The following FNBP1L variants were observed in gnomAD, a reference collection of about 807,000 sequenced individuals.
FNBP1L encodes the protein formin binding protein 1 like, also known as formin-binding protein 1-like.
Under a neutral mutation model 91.2 loss-of-function variants are expected in FNBP1L, and 36 were observed. The observed-to-expected ratio is 0.39, with a 90% CI of 0.30 to 0.52. The LOEUF (loss-of-function observed/expected upper bound fraction) is 0.52. Among genes scored for constraint, FNBP1L ranks in the 20% least tolerant of loss-of-function variants. The pLI, the probability that FNBP1L is intolerant of heterozygous loss-of-function variation, is 0.66. For missense variants in FNBP1L, 571 were observed against 732.1 expected, an observed-to-expected ratio of 0.78 and a Z score of 2.54; for synonymous variants, 242 against 237.0, an observed-to-expected ratio of 1.02 and a Z score of -0.19.
chr1:93,475,119 C>G (rs1431049738), intron 1 of FNBP1L, among the ~76,000 whole-genome samples: 1 of 151,584 alleles, frequency 6.6e-6, no homozygotes, highest in African/African-American at 2.4e-5. Context: ...TGATGATACA[C>G]ATACAACTAA....
intron 2 of FNBP1L, among the ~76,000 whole-genome samples, chr1:93,516,986 A>T (rs1671143086): frequency 6.6e-6 from 1 of 151,280 alleles, no homozygotes; most frequent in Admixed American, 6.6e-5. Context: ...TCTTAGAACA[A>T]CTTCTTCTTC....
chr1:93,500,046 G>A (rs1359221190), intron 2 of FNBP1L, among the ~76,000 whole-genome samples: 1 of 152,110 alleles, frequency 6.6e-6, no homozygotes, highest in Non-Finnish European at 1.5e-5. Context: ...TGTGATTTTA[G>A]AATATGTTTT....
intron 1 of FNBP1L, among the ~76,000 whole-genome samples, chr1:93,476,485 G>A (rs894494768): frequency 6.6e-6 from 1 of 152,152 alleles, no homozygotes; most frequent in African/African-American, 2.4e-5. Context: ...TAAGGATAGG[G>A]ATATTATGTG....
At chr1:93,542,958 T>C (rs1489335014) in intron 11 of FNBP1L, among the ~76,000 whole-genome samples, 1 of 151,908 alleles carries the variant, frequency 6.6e-6, no homozygotes, top group Non-Finnish European at 1.5e-5. Flanking sequence ...GCTAATTTAT[T>C]GTATTTTTAG....
intron 1 of FNBP1L, among the ~76,000 whole-genome samples, chr1:93,481,262 A>G (rs576837378): frequency 2.6e-5 from 4 of 152,304 alleles, no homozygotes; most frequent in Admixed American, 6.5e-5. Context: ...CCCTAAGGCT[A>G]AAAGTGTGAG....
At chr1:93,534,459 G>A (rs1487811507) in intron 8 of FNBP1L, among the ~76,000 whole-genome samples, 1 of 152,080 alleles carries the variant, frequency 6.6e-6, no homozygotes, top group East Asian at 1.9e-4. Context: ...AAGCTACCAA[G>A]TAAAAACATT....
At chr1:93,461,606 A>G (rs977145521) in intron 1 of FNBP1L, among the ~76,000 whole-genome samples, 5 of 152,200 alleles carry the variant, frequency 3.3e-5, no homozygotes, top group African/African-American at 9.6e-5. Flanking sequence ...CACAAATGCA[A>G]AAGCTTTTCT....
intron 2 of FNBP1L, among the ~76,000 whole-genome samples, chr1:93,518,547 C>T (rs1482334008): frequency 6.6e-6 from 1 of 152,016 alleles, no homozygotes; most frequent in Non-Finnish European, 1.5e-5. Context: ...GCTTAAATGT[C>T]TAAATTCTAG....
chr1:93,528,661 T>C (rs1671573298), intron 5 of FNBP1L, among the ~76,000 whole-genome samples: 1 of 151,994 alleles, frequency 6.6e-6, no homozygotes, highest in African/African-American at 2.4e-5. Context: ...CACAGGTTGA[T>C]GGGGGAGGGA....
rs1273781988 is a variant in FNBP1L at position 93,545,561 on chromosome 1, T to C, written c.1275-1281T>C. ...GGACTTGTGAAAAATTCTGAATGCT[T>C]TTCTGTGAAGTTCTGTAGGTACTAC... On this transcript the variant is annotated intron_variant, in intron 12 of 16. Transcript: ENST00000271234. Among the ~76,000 whole-genome samples the C allele has an allele frequency of 3.3e-5, 5 of 152,162 alleles. No homozygotes were observed. In the East Asian group the frequency reaches 7.7e-4, roughly 23 times the overall value.
chr1:93,463,507 A>G (rs1342097095), intron 1 of FNBP1L, among the ~76,000 whole-genome samples: 1 of 152,152 alleles, frequency 6.6e-6, no homozygotes, highest in African/African-American at 2.4e-5. Context: ...TTCCTTATGT[A>G]ACCATCTGTA....
intron 5 of FNBP1L, among the ~76,000 whole-genome samples, chr1:93,527,492 C>T (rs1010456173): frequency 1.3e-5 from 2 of 152,104 alleles, no homozygotes; most frequent in African/African-American, 4.8e-5. Flanking sequence ...ATATTGAGAT[C>T]CCCTGTTTGC....
chr1:93,510,924 G>A (rs564897087), intron 2 of FNBP1L, among the ~76,000 whole-genome samples: 12 of 152,156 alleles, frequency 7.9e-5, no homozygotes, highest in African/African-American at 2.9e-4. Context: ...AAAAAGAAAC[G>A]AACAAAGCCT....
At chr1:93,516,484 C>G (rs1461573111) in intron 2 of FNBP1L, among the ~76,000 whole-genome samples, 1 of 152,142 alleles carries the variant, frequency 6.6e-6, no homozygotes, top group Non-Finnish European at 1.5e-5. Flanking sequence ...TTTGGCTTGT[C>G]CCTTGACCAC....
At chr1:93,454,336 CTGTGTG>C (rs55899862) in intron 1 of FNBP1L, among the ~76,000 whole-genome samples, 3 of 149,176 alleles carry the variant, frequency 2.0e-5, no homozygotes, top group African/African-American at 4.9e-5. Flanking sequence ...ATGGGTGTGT[CTGTGTG>C]TGTGTGTGTG....
In FNBP1L at chr1:93,523,350, C is replaced by G; in HGVS notation, c.201C>G (p.Thr67=). 1 of 1,600,114 alleles carries G rather than the reference C, an allele frequency of 6.2e-7. No individual in the cohort carries two copies. The highest frequency in any genetic ancestry group is 8.5e-7 in the Non-Finnish European group (1 of 1,173,782). The change falls in exon 4 of 17, where the codon ACC becomes ACG. Residue 67 remains threonine (T), a synonymous_variant. Coordinates refer to ENST00000271234, the MANE Select transcript of FNBP1L (RefSeq NM_001164473.3). ...RSSKDEEPRF[T]SCVAFFNILN... ...TTTGAAATGTTTTTGCCAGGTTTAC[C>G]TCGTGTGTAGCCTTTTTTAATATCC...
rs1251211101 is a variant in FNBP1L, at chr1:93,536,293, C to T, written c.991-39C>T. ...TTTTCATTTAGGAGAAAACTATGCACATTTGGCTTATTGATTCCTTTCTTT... is the reference window on the plus strand; with the variant it reads ...TTTTCATTTAGGAGAAAACTATGCATATTTGGCTTATTGATTCCTTTCTTT... On this transcript the variant is annotated intron_variant, in intron 9 of 16. Transcript: ENST00000271234. 7 of 1,374,924 alleles carry T rather than the reference C, an allele frequency of 5.1e-6. 1 individual carries two copies. In the African/African-American group the frequency reaches 5.9e-5, roughly 12 times the overall value. The allele number at this position is 1,374,924 out of a possible 1,614,324, so 85.2% of individuals were successfully genotyped here. A position where few individuals can be genotyped will look rare whatever the true frequency, so the allele number is the denominator to read the frequency against.
chr1:93,457,484 A>G (rs1309692664), intron 1 of FNBP1L, among the ~76,000 whole-genome samples: 2 of 151,976 alleles, frequency 1.3e-5, no homozygotes, highest in Non-Finnish European at 2.9e-5. Flanking sequence ...TGGTTGTTGG[A>G]TTTTGATTTT....
At chr1:93,548,876 T>C (rs1379878733) in intron 14 of FNBP1L, among the ~76,000 whole-genome samples, 2 of 152,154 alleles carry the variant, frequency 1.3e-5, no homozygotes, top group Non-Finnish European at 2.9e-5. Flanking sequence ...AGATTCAGAA[T>C]AGAAACAATC....
Sources: gnomAD v4.1 joint callset for allele counts (sites outside exome capture counted in the v4.1 genomes callset) on GRCh38, gnomAD v4.1.1 for gene constraint, MANE v1.5 for transcripts, NCBI Gene and HGNC (gene_info 2026-07-23, HGNC 2026-07-21) for gene names.